Variants in GRM8 observed in about 807,000 individuals in gnomAD.
The protein encoded by GRM8 is glutamate metabotropic receptor 8.
GRM8 carries 47 observed loss-of-function variants against 87.2 expected under a neutral mutation model. The ratio of observed to expected loss-of-function variants is 0.54; its 90% confidence interval spans 0.43 to 0.69. The LOEUF (loss-of-function observed/expected upper bound fraction) is 0.69, where lower values mean the gene tolerates loss of function less well. GRM8 is among the 30% of genes least tolerant of loss of function. GRM8 has a pLI of 0.00. For missense variants in GRM8, 1,019 were observed against 1,139.2 expected (o/e 0.89, Z 1.52); for synonymous variants, 396 against 404.5 (o/e 0.98, Z 0.25).
intron 6 of GRM8, among the ~76,000 whole-genome samples, chr7:126,851,577 T>C (rs1360592749): frequency 6.6e-6 from 1 of 152,142 alleles, no homozygotes; most frequent in Non-Finnish European, 1.5e-5. Flanking sequence ...CTTGTTGTCC[T>C]TTGAACACCT....
chr7:127,032,216 C>T (rs1014382346), intron 3 of GRM8, among the ~76,000 whole-genome samples: 69 of 152,232 alleles, frequency 4.5e-4, no homozygotes, highest in African/African-American at 1.6e-3. Context: ...CTTTGTGAGG[C>T]CCAGTGACAC....
intron 7 of GRM8, among the ~76,000 whole-genome samples, chr7:126,741,756 G>A (rs1006063588): frequency 1.3e-5 from 2 of 152,178 alleles, no homozygotes; most frequent in Non-Finnish European, 1.5e-5. Flanking sequence ...TTGTAAAATG[G>A]AAATAATAGG....
intron 3 of GRM8, among the ~76,000 whole-genome samples, chr7:127,100,804 G>A (rs1040324724): frequency 6.6e-6 from 1 of 152,156 alleles, no homozygotes; most frequent in African/African-American, 2.4e-5. Flanking sequence ...AATTTAAGGT[G>A]AGGTTTGAGT....
intron 3 of GRM8, among the ~76,000 whole-genome samples, chr7:126,906,234 G>T (rs1802656532): frequency 6.6e-6 from 1 of 152,256 alleles, no homozygotes; most frequent in Middle Eastern, 3.4e-3. Context: ...TGACCATGCT[G>T]GCACCTTGCT....
chr7:126,463,858 A>G (rs1013422155), intron 9 of GRM8, among the ~76,000 whole-genome samples: 1 of 151,666 alleles, frequency 6.6e-6, no homozygotes, highest in African/African-American at 2.4e-5. Context: ...GGAAACAACT[A>G]TTGCCAATCT....
intron 8 of GRM8, among the ~76,000 whole-genome samples, chr7:126,587,637 T>A (rs1796273080): frequency 7.5e-6 from 1 of 133,600 alleles, no homozygotes; most frequent in Admixed American, 8.9e-5. Context: ...ATGAGAACAC[T>A]TGGACACAGG....
At chr7:126,611,343 G>A (rs1475225577) in intron 7 of GRM8, among the ~76,000 whole-genome samples, 2 of 152,170 alleles carry the variant, frequency 1.3e-5, no homozygotes, top group Non-Finnish European at 2.9e-5. Context: ...GTTGTTGTGA[G>A]AATTAAATAA....
chr7:126,761,361 T>C (rs1817577786), intron 7 of GRM8, among the ~76,000 whole-genome samples: 1 of 152,202 alleles, frequency 6.6e-6, no homozygotes, highest in Non-Finnish European at 1.5e-5. Context: ...CTTTGGTTTC[T>C]AGTCAAAGCA....
chr7:126,835,553 G>A (rs1795765702), intron 6 of GRM8, among the ~76,000 whole-genome samples: 2 of 152,226 alleles, frequency 1.3e-5, no homozygotes, highest in Admixed American at 6.5e-5. Context: ...AGTTTGTAGT[G>A]ATAAATGATT....
chr7:126,499,082 T>C lies in GRM8; in HGVS notation c.2430+33870A>G, dbSNP rs576896511. ...ATTTACTCAGAATTCATATTTATTATCTTTTCCGTTTATGAAGTTGTTGTC... is the reference window on the plus strand; with the variant it reads ...ATTTACTCAGAATTCATATTTATTACCTTTTCCGTTTATGAAGTTGTTGTC... On this transcript the variant is annotated intron_variant, in intron 9 of 10. Coordinates refer to ENST00000339582, the MANE Select transcript of GRM8 (RefSeq NM_000845.3). Among the ~76,000 whole-genome samples the C allele has an allele frequency of 2.6e-5, 4 of 152,122 alleles. No individual in the cohort carries two copies. In the East Asian group the frequency reaches 5.8e-4, roughly 22 times the overall value.
At chr7:126,466,899 CAGTTA>C (rs1175150784) in intron 9 of GRM8, among the ~76,000 whole-genome samples, 6 of 151,928 alleles carry the variant, frequency 3.9e-5, no homozygotes, top group African/African-American at 1.4e-4. Context: ...TCCCTTTGCC[CAGTTA>C]AGTTGACACA....
chr7:126,526,405 G>A (rs1255987353), intron 9 of GRM8, among the ~76,000 whole-genome samples: 1 of 151,848 alleles, frequency 6.6e-6, no homozygotes, highest in Non-Finnish European at 1.5e-5. Context: ...CAACCATTTC[G>A]ATGTGTTAGC....
chr7:126,912,493 A>G (rs1803421110), intron 3 of GRM8, among the ~76,000 whole-genome samples: 1 of 152,150 alleles, frequency 6.6e-6, no homozygotes, highest in South Asian at 2.1e-4. Flanking sequence ...ATCCTCCATA[A>G]TTATGTAAGC....
chr7:126,922,858 C>T (rs1285774331), intron 3 of GRM8, among the ~76,000 whole-genome samples: 1 of 152,086 alleles, frequency 6.6e-6, no homozygotes, highest in Admixed American at 6.5e-5. Flanking sequence ...CTCCCTTGGT[C>T]CTGCTCCTGC....
At chr7:126,966,532 A>T (rs1386996434) in intron 3 of GRM8, among the ~76,000 whole-genome samples, 1 of 152,172 alleles carries the variant, frequency 6.6e-6, no homozygotes, top group Non-Finnish European at 1.5e-5. Context: ...CATACAGAAT[A>T]ATATTATGAT....
chr7:126,945,417 C>T (rs1014041668), intron 3 of GRM8, among the ~76,000 whole-genome samples: 2 of 151,968 alleles, frequency 1.3e-5, no homozygotes, highest in Non-Finnish European at 1.5e-5. Flanking sequence ...GTTTGAAATC[C>T]AAAATTCTCC....
At chr7:127,059,294 C>T (rs893990232) in intron 3 of GRM8, among the ~76,000 whole-genome samples, 6 of 149,664 alleles carry the variant, frequency 4.0e-5, no homozygotes, top group African/African-American at 1.5e-4. Flanking sequence ...TAGATGTTTT[C>T]TCAAAATGAT....
intron 2 of GRM8, among the ~76,000 whole-genome samples, chr7:127,107,747 A>T (rs1825946995): frequency 6.6e-6 from 1 of 152,178 alleles, no homozygotes; most frequent in South Asian, 2.1e-4. Flanking sequence ...GATGATTCCC[A>T]ATCTATATAA....
At chr7:126,658,020 T>C (rs1244067615) in intron 7 of GRM8, among the ~76,000 whole-genome samples, 1 of 152,262 alleles carries the variant, frequency 6.6e-6, no homozygotes, top group African/African-American at 2.4e-5. Flanking sequence ...CAGCTGATGA[T>C]GTGTTGGCTG....
Sources: allele counts gnomAD v4.1 joint callset (sites outside exome capture counted in the v4.1 genomes callset), GRCh38; gene constraint gnomAD v4.1.1; transcripts MANE v1.5; gene names NCBI Gene and HGNC (gene_info 2026-07-23, HGNC 2026-07-21).